Variants in MEGF8 observed in about 807,000 individuals in gnomAD.
The protein encoded by MEGF8 is multiple EGF like domains 8, also known as multiple epidermal growth factor-like domains protein 8.
A neutral mutation model predicts 302.9 loss-of-function variants in MEGF8; 156 were observed. That is an observed-to-expected ratio of 0.52 (90% CI 0.45 to 0.59). The LOEUF is 0.59. Among genes scored for constraint, MEGF8 ranks in the 20% least tolerant of loss-of-function variants. The pLI is 0.00. For synonymous variants in MEGF8, 1,621 were observed against 1,660.5 expected, an observed-to-expected ratio of 0.98 and a Z score of 0.58; for missense variants, 3,345 against 3,964.5, an observed-to-expected ratio of 0.84 and a Z score of 4.20.
chr19:42,340,478 C>A (rs2039196356), intron 8 of MEGF8, among the ~76,000 whole-genome samples: 1 of 152,168 alleles, frequency 6.6e-6, no homozygotes. Flanking sequence ...ATCCATCTGC[C>A]TCGGCCTCCC....
rs751851442 is a variant in MEGF8, at chr19:42,368,589, C to T, written c.6408C>T (p.Cys2136=). 73 of 1,578,162 alleles carry T rather than the reference C, an allele frequency of 4.6e-5. No homozygotes were observed. The highest frequency in any genetic ancestry group is 5.4e-5 in the African/African-American group (4 of 74,252). The change falls in exon 36 of 42, where the codon TGC becomes TGT. Residue 2136 remains cysteine, a synonymous_variant. Coordinates refer to ENST00000251268, the MANE Select transcript of MEGF8 (RefSeq NM_001271938.2). The surrounding 1 kb of genome is among the most constrained non-coding windows in gnomAD (Gnocchi z 4.9). Reference sequence around the variant, plus strand: ...CCTTGTGCCTGCGGCGCCCCCATTGCGGCTGGTGTGCCTGGGGGGGCCAGG... The same window carrying T: ...CCTTGTGCCTGCGGCGCCCCCATTGTGGCTGGTGTGCCTGGGGGGGCCAGG... ...QCALCLRRPH[C]GWCAWGGQDG...
Position 42,369,561 on chromosome 19 carries a change from C to G in MEGF8, c.6672C>G (p.Ala2224=), listed in dbSNP as rs2039931709. 1 of 1,610,904 alleles carries G rather than the reference C, an allele frequency of 6.2e-7. No homozygotes were observed. The highest frequency in any genetic ancestry group is 8.5e-7 in the Non-Finnish European group (1 of 1,179,710). The change falls in exon 38 of 42, where the codon GCC becomes GCG. Residue 2224 remains alanine, a synonymous_variant. Transcript: ENST00000251268. The surrounding 1 kb of genome is among the most constrained non-coding windows in gnomAD (Gnocchi z 5.7). ...CAGGGCTGTGCCGCCCTGTGTGCGC[C>G]CAGGGCTGCGTGAACGGCTCATGTG... ...NMTGLCRPVC[A]QGCVNGSCVE...
At position 42,357,459 on chromosome 19, in the gene MEGF8, G is replaced by A. The variant is rs762874704; in HGVS notation, c.4886G>A (p.Arg1629Gln). Residue 1629 changes from arginine (R) to glutamine (Q), a missense_variant, in exon 28 of 42, where the codon CGA becomes CAA. By Grantham distance (43) the Arg-to-Gln change is conservative. Coordinates refer to ENST00000251268, the MANE Select transcript of MEGF8 (RefSeq NM_001271938.2). The surrounding 1 kb of genome is among the most constrained non-coding windows in gnomAD (Gnocchi z 5.2). ...AVAGHTLTAR[R>Q]GLSLLLVGGY... The stretch of plus-strand genomic sequence containing the variant: ...GCTGGTCACACCCTTACTGCCCGCC[G>A]AGGCCTGTCTCTGCTCCTGGTGGGC... 8.1e-6 allele frequency: 13 copies of A among 1,613,618 alleles called. No individual in the cohort carries two copies. The East Asian group carries it at 1.3e-4, about 17-fold the overall frequency.
chr19:42,352,498 T>G lies in MEGF8; in HGVS notation c.3350+42T>G. 6.5e-7 allele frequency: 1 copy of G among 1,536,012 alleles called. No homozygotes were observed. Among genetic ancestry groups the G allele is most frequent in the Non-Finnish European group, 8.8e-7 (1 of 1,134,358 alleles). Reference sequence around the variant, plus strand: ...TTGCTATGGAGATGTTGCCCCAGGCTGGGGCACATGGAGGTGGAGGGAGGA... The same window carrying G: ...TTGCTATGGAGATGTTGCCCCAGGCGGGGGCACATGGAGGTGGAGGGAGGA... On this transcript the variant is annotated intron_variant, in intron 19 of 41. Coordinates refer to ENST00000251268, the MANE Select transcript of MEGF8 (RefSeq NM_001271938.2). This position sits in a 1 kb window ranked among gnomAD's most constrained non-coding sequence, Gnocchi z 4.4.
rs142330279 is a variant in MEGF8, at chr19:42,353,290, G to A, written c.3550+163G>A. The stretch of plus-strand genomic sequence containing the variant: ...ACTCAAACAGGTTTCAGTGCCACCC[G>A]TCACTCTGGTTGGGCTTCAGTTCCC... On this transcript the variant is annotated intron_variant, in intron 20 of 41. Coordinates refer to ENST00000251268, the MANE Select transcript of MEGF8 (RefSeq NM_001271938.2). This position sits in a 1 kb window ranked among gnomAD's most constrained non-coding sequence, Gnocchi z 6.1. 2.0e-5 allele frequency among the ~76,000 whole-genome samples: 3 copies of A among 152,290 alleles called. No individual in the cohort carries two copies. Among genetic ancestry groups the A allele is most frequent in the Non-Finnish European group, 2.9e-5 (2 of 68,002 alleles).
Position 42,355,981 on chromosome 19 carries a change from C to A in MEGF8, c.4368C>A (p.His1456Gln). The A allele has an allele frequency of 6.2e-7, 1 of 1,612,124 alleles. No individual in the cohort carries two copies. Among genetic ancestry groups the A allele is most frequent in the Non-Finnish European group, 8.5e-7 (1 of 1,179,138 alleles). ...TGTGTCCTGAGAACTGCAATGCCCA[C>A]ACTGGGGCAGGAACTTGTAACCAGG... is the stretch of plus-strand genomic sequence containing the variant. ...MALCPENCNAHTGAGTCNQSL... is the reference protein window; with the variant it reads ...MALCPENCNAQTGAGTCNQSL... The change falls in exon 24 of 42, where the codon CAC becomes CAA. Residue 1456 changes from histidine (H) to glutamine (Q), a missense_variant. His to Gln is a conservative substitution (Grantham distance 24). Transcript: ENST00000251268.
At chr19:42,338,820 TA>T (rs2039170291) in intron 8 of MEGF8, among the ~76,000 whole-genome samples, 1 of 140,568 alleles carries the variant, frequency 7.1e-6, no homozygotes, top group Non-Finnish European at 1.6e-5. Flanking sequence ...TTTTTCTTTC[TA>T]TGTATTTTTT....
intron 33 of MEGF8, 57 bp downstream of exon 33, chr19:42,362,270 G>A: frequency 2.5e-6 from 4 of 1,609,648 alleles, no homozygotes; most frequent in Non-Finnish European, 3.4e-6. Flanking sequence ...GGGAGGTCCT[G>A]GTCTCCACTC....
chr19:42,336,950 A>G lies in MEGF8; in HGVS notation c.1388A>G (p.Tyr463Cys), dbSNP rs963924670. 8.7e-6 allele frequency: 14 copies of G among 1,613,864 alleles called. No individual in the cohort carries two copies. The highest frequency in any genetic ancestry group is 1.1e-5 in the Non-Finnish European group (13 of 1,179,830). Residue 463 changes from tyrosine (Y) to cysteine (C), a missense_variant and splice_region_variant, in exon 7 of 42, where the codon TAT becomes TGT. Coordinates refer to ENST00000251268, the MANE Select transcript of MEGF8 (RefSeq NM_001271938.2). The surrounding 1 kb of genome is among the most constrained non-coding windows in gnomAD (Gnocchi z 4.8). ...GTTCTGGGCAATTACATGGTGGTCT[A>G]TGGTGAGGAGGCTCCCCAATCCTGC... ...ASVLGNYMVV[Y>C]GGNVHTHYQE...
In MEGF8 at chr19:42,356,652, T is replaced by G. The variant is rs2039456934; in HGVS notation, c.4623-122T>G. 9.1e-7 allele frequency: 1 copy of G among 1,096,704 alleles called. No individual in the cohort carries two copies. Among genetic ancestry groups the G allele is most frequent in the African/African-American group, 1.6e-5 (1 of 63,090 alleles). The allele number at this position is 1,096,704 out of a possible 1,614,324, so 67.9% of individuals were successfully genotyped here. ...ATTTGGGTGGTGCTACTCCAGGGAA[T>G]GGCAAGAGGACTGTCATAGGAAGGT... On this transcript the variant is annotated intron_variant, in intron 26 of 41. Coordinates refer to ENST00000251268, the MANE Select transcript of MEGF8 (RefSeq NM_001271938.2). The surrounding 1 kb of genome is among the most constrained non-coding windows in gnomAD (Gnocchi z 5.2).
chr19:42,363,332 G>A, intron 35 of MEGF8, 70 bp downstream of exon 35: 1 of 1,337,674 alleles, frequency 7.5e-7, no homozygotes, highest in Non-Finnish European at 1.0e-6. Flanking sequence ...GCGCTGGCAG[G>A]GACCTTTCTT....
At position 42,350,396 on chromosome 19, in the gene MEGF8, G is replaced by T. The variant is rs1344903733; in HGVS notation, c.2736+12G>T. 3 of 1,500,134 alleles carry T rather than the reference G, an allele frequency of 2.0e-6. No homozygotes were observed. Among genetic ancestry groups the T allele is most frequent in the South Asian group, 1.3e-5 (1 of 78,494 alleles). 92.9% of individuals were successfully genotyped at this position (1,500,134 alleles called of 1,614,324 possible). On this transcript the variant is annotated intron_variant, in intron 15 of 41. Coordinates refer to ENST00000251268, the MANE Select transcript of MEGF8 (RefSeq NM_001271938.2). ...ACGCCTGCACCCAGGTGCCTGTGGGGCCACCAGGGGAGGTCACAAGGTGGA... is the reference window on the plus strand; with the variant it reads ...ACGCCTGCACCCAGGTGCCTGTGGGTCCACCAGGGGAGGTCACAAGGTGGA...
Position 42,357,575 on chromosome 19 carries a change from C to A in MEGF8, c.5002C>A (p.Pro1668Thr). The A allele has an allele frequency of 6.2e-7, 1 of 1,603,872 alleles. No individual in the cohort carries two copies. The highest frequency in any genetic ancestry group is 8.5e-7 in the Non-Finnish European group (1 of 1,175,748). Residue 1668 changes from proline (P) to threonine (T), a missense_variant, in exon 28 of 42, where the codon CCC becomes ACC. Coordinates refer to ENST00000251268, the MANE Select transcript of MEGF8 (RefSeq NM_001271938.2). This position sits in a 1 kb window ranked among gnomAD's most constrained non-coding sequence, Gnocchi z 5.2. ...TWVSGAQSGT[P>T]PTGLYGHSAV... ...GGTGTCAGGAGCCCAGAGTGGGACA[C>A]CCCCCACAGGTGGGGCTGGGGACCG...
At chr19:42,345,719 A>G (rs2039280070) in intron 12 of MEGF8, among the ~76,000 whole-genome samples, 1 of 152,148 alleles carries the variant, frequency 6.6e-6, no homozygotes, top group Non-Finnish European at 1.5e-5. Flanking sequence ...GGCTGTTTCC[A>G]TCTTTTGACT....
chr19:42,354,637 G>C lies in MEGF8; in HGVS notation c.4061G>C (p.Gly1354Ala). 1 of 1,612,896 alleles carries C rather than the reference G, an allele frequency of 6.2e-7. No homozygotes were observed. Among genetic ancestry groups the C allele is most frequent in the Non-Finnish European group, 8.5e-7 (1 of 1,179,764 alleles). The change falls in exon 23 of 42, where the codon GGT becomes GCT. Residue 1354 changes from glycine to alanine, a missense_variant. Transcript: ENST00000251268. The surrounding 1 kb of genome is among the most constrained non-coding windows in gnomAD (Gnocchi z 4.3). ...FDGFPRFLDT[G>A]VVQSDRSLIA... ...GGATTCCCACGCTTCCTGGACACTG[G>C]TGTTGTCCAGTCGGACCGCAGCCTC...
rs184026298 is a variant in MEGF8 at position 42,362,047 on chromosome 19, G to T, written c.5721-43G>T. 8.1e-6 allele frequency: 13 copies of T among 1,603,192 alleles called. No individual in the cohort carries two copies. In the Admixed American group the frequency reaches 1.7e-4, roughly 21 times the overall value. ...ACAGTGTCTGGGAGGCAGAAGGAGG[G>T]GGTCTGGATGGGTGTGAGTGAGCCA... On this transcript the variant is annotated intron_variant, in intron 32 of 41. Coordinates refer to ENST00000251268, the MANE Select transcript of MEGF8 (RefSeq NM_001271938.2).
At chr19:42,365,361 G>T (rs893695061) in intron 35 of MEGF8, among the ~76,000 whole-genome samples, 5 of 152,086 alleles carry the variant, frequency 3.3e-5, no homozygotes, top group Non-Finnish European at 7.4e-5. Flanking sequence ...GGTGGGGCCA[G>T]TGAATTGGAG....
chr19:42,367,535 G>C (rs1002955954), intron 35 of MEGF8, among the ~76,000 whole-genome samples: 1 of 152,074 alleles, frequency 6.6e-6, no homozygotes, highest in African/African-American at 2.4e-5. Context: ...TGATCCGCCC[G>C]CCTCGGCCTC....
Position 42,376,566 on chromosome 19 carries a change from A to T in MEGF8, c.8329A>T (p.Met2777Leu). Residue 2777 changes from methionine (M) to leucine (L), a missense_variant, in exon 42 of 42, where the codon ATG (methionine) becomes TTG (leucine). Coordinates refer to ENST00000251268, the MANE Select transcript of MEGF8 (RefSeq NM_001271938.2). The surrounding 1 kb of genome is among the most constrained non-coding windows in gnomAD (Gnocchi z 8.2). Reference sequence around the variant, plus strand: ...CACTCTCGAGCCCACAGAAGATGGCATGGCTGGCGTGGCCACACTGCTGCT... The same window carrying T: ...CACTCTCGAGCCCACAGAAGATGGCTTGGCTGGCGTGGCCACACTGCTGCT... ...PITLEPTEDG[M>L]AGVATLLLQL... 6.4e-7 allele frequency: 1 copy of T among 1,554,672 alleles called. No homozygotes were observed. The highest frequency in any genetic ancestry group is 8.7e-7 in the Non-Finnish European group (1 of 1,152,074).
Sources: allele counts gnomAD v4.1 joint callset (sites outside exome capture counted in the v4.1 genomes callset), GRCh38; gene constraint gnomAD v4.1.1; non-coding constraint Gnocchi (gnomAD v3.1); transcripts MANE v1.5; gene names NCBI Gene and HGNC (gene_info 2026-07-23, HGNC 2026-07-21).